Variants in HAUS6 observed in about 807,000 individuals in gnomAD.
HAUS6 encodes the protein HAUS augmin-like complex subunit 6.
In HAUS6, 80 loss-of-function variants were observed where a neutral mutation model predicts 106.8. The ratio of observed to expected loss-of-function variants is 0.75; its 90% confidence interval spans 0.63 to 0.90. The LOEUF (loss-of-function observed/expected upper bound fraction) is 0.90. HAUS6 is among the 40% of genes least tolerant of loss of function. HAUS6 has a pLI of 0.00. For synonymous variants in HAUS6, 356 were observed against 379.1 expected, an observed-to-expected ratio of 0.94 and a Z score of 0.71; for missense variants, 1,155 against 1,118.1, an observed-to-expected ratio of 1.03 and a Z score of -0.47.
At chr9:19,085,401 T>C (rs895866209) in intron 7 of HAUS6, among the ~76,000 whole-genome samples, 3 of 152,158 alleles carry the variant, frequency 2.0e-5, no homozygotes, top group African/African-American at 7.2e-5. Flanking sequence ...GAAGTGACTT[T>C]GCCTTGCCTG....
chr9:19,069,330 G>A (rs970363104), intron 12 of HAUS6, among the ~76,000 whole-genome samples: 12 of 152,192 alleles, frequency 7.9e-5, no homozygotes, highest in Non-Finnish European at 1.6e-4. Flanking sequence ...AAATGCCCAT[G>A]TATCATAAAT....
intron 4 of HAUS6, among the ~76,000 whole-genome samples, chr9:19,092,250 G>C (rs1279155283): frequency 6.6e-6 from 1 of 151,520 alleles, no homozygotes; most frequent in African/African-American, 2.4e-5. Flanking sequence ...TGAGCACAGG[G>C]GTTCAAGACC....
chr9:19,087,192 C>G (rs1449143714), intron 5 of HAUS6, 36 bp from the exon 6 acceptor site: 3 of 1,137,100 alleles, frequency 2.6e-6, no homozygotes, highest in Non-Finnish European at 4.0e-6. Context: ...ACTATAATAC[C>G]ATTACGATTA....
chr9:19,084,340 G>A (rs1215979980), intron 7 of HAUS6, among the ~76,000 whole-genome samples: 7 of 152,172 alleles, frequency 4.6e-5, no homozygotes, highest in Non-Finnish European at 8.8e-5. Flanking sequence ...AACATGTGAG[G>A]GCACTGTTTC....
Position 19,070,306 on chromosome 9 carries a change from G to A in HAUS6, c.1295-6C>T. 1 of 1,516,140 alleles carries A rather than the reference G, an allele frequency of 6.6e-7. No homozygotes were observed. The highest frequency in any genetic ancestry group is 9.1e-7 in the Non-Finnish European group (1 of 1,093,188). The allele number at this position is 1,516,140 out of a possible 1,614,324, so 93.9% of individuals were successfully genotyped here. On this transcript the variant is annotated splice_region_variant and splice_polypyrimidine_tract_variant and intron_variant, in intron 11 of 16. Coordinates refer to ENST00000380502, the MANE Select transcript of HAUS6 (RefSeq NM_017645.5). ...GTTATGTTGCTTATGTGCATCTAAA[G>A]AAATTTAAAAATTGGTTACTCTTTA...
intron 12 of HAUS6, among the ~76,000 whole-genome samples, chr9:19,065,792 G>T (rs1836749734): frequency 6.6e-6 from 1 of 152,102 alleles, no homozygotes; most frequent in Non-Finnish European, 1.5e-5. Flanking sequence ...AGTGAGCCGA[G>T]ATCGTGCCAT....
At position 19,089,572 on chromosome 9, in the gene HAUS6, C is replaced by G. The variant is rs535941920; in HGVS notation, c.437-13G>C. ...TGATGAGAAGAATCTACACAGAACA[C>G]AAATAAGATTATAGAAAACAGGCTG... On this transcript the variant is annotated splice_polypyrimidine_tract_variant and intron_variant, in intron 4 of 16. Transcript: ENST00000380502. 22 of 1,597,402 alleles carry G rather than the reference C, an allele frequency of 1.4e-5. No homozygotes were observed. Among genetic ancestry groups the G allele is most frequent in the Admixed American group, 6.9e-5 (4 of 58,354 alleles).
At chr9:19,078,661 G>A (rs1308432705) in intron 9 of HAUS6, among the ~76,000 whole-genome samples, 3 of 151,672 alleles carry the variant, frequency 2.0e-5, no homozygotes, top group East Asian at 1.9e-4. Context: ...AGGGGTGGGT[G>A]CCTGTAATTT....
intron 11 of HAUS6, among the ~76,000 whole-genome samples, chr9:19,071,525 T>G (rs1353863224): frequency 6.6e-6 from 1 of 151,858 alleles, no homozygotes; most frequent in Non-Finnish European, 1.5e-5. Flanking sequence ...CAAAACTACA[T>G]TTAGATATAT....
chr9:19,100,917 T>C (rs1401416069), intron 1 of HAUS6, among the ~76,000 whole-genome samples: 1 of 151,958 alleles, frequency 6.6e-6, no homozygotes, highest in East Asian at 1.9e-4. Flanking sequence ...AGAATGGTGG[T>C]TAACACAGTC....
chr9:19,093,926 C>A (rs988996000), intron 3 of HAUS6, among the ~76,000 whole-genome samples: 1 of 152,134 alleles, frequency 6.6e-6, no homozygotes, highest in Non-Finnish European at 1.5e-5. Flanking sequence ...TCCTTTTAAA[C>A]CACAAGTTAC....
intron 1 of HAUS6, among the ~76,000 whole-genome samples, chr9:19,101,171 ATAAGTG>A (rs1399443720): frequency 6.6e-5 from 10 of 152,244 alleles, no homozygotes; most frequent in African/African-American, 2.4e-4. Flanking sequence ...TATACATTGT[ATAAGTG>A]TATCAAAATA....
intron 16 of HAUS6, chr9:19,057,753 C>G: frequency 2.4e-6 from 1 of 420,198 alleles, no homozygotes; most frequent in Non-Finnish European, 4.2e-6. Flanking sequence ...TTTTCCCACC[C>G]CTGTCTCAAA....
chr9:19,079,399 T>C lies in HAUS6; in HGVS notation c.1064+1080A>G, dbSNP rs572003885. ...GGCGCACGCCACCACGCCTGGCTAA[T>C]TGTGTCTTTTTGGTAGGGACGCAGT... On this transcript the variant is annotated intron_variant, in intron 9 of 16. Coordinates refer to ENST00000380502, the MANE Select transcript of HAUS6 (RefSeq NM_017645.5). Among the ~76,000 whole-genome samples the C allele has an allele frequency of 1.3e-4, 20 of 151,416 alleles. No individual in the cohort carries two copies. The East Asian group carries it at 2.9e-3, about 22-fold the overall frequency.
chr9:19,100,815 T>C (rs539153234), intron 1 of HAUS6, among the ~76,000 whole-genome samples: 2 of 152,188 alleles, frequency 1.3e-5, no homozygotes, highest in African/African-American at 2.4e-5. Flanking sequence ...GAGGTCATTA[T>C]CTTAAGTAAA....
At chr9:19,089,946 C>A (rs1199083694) in intron 4 of HAUS6, among the ~76,000 whole-genome samples, 1 of 152,124 alleles carries the variant, frequency 6.6e-6, no homozygotes, top group East Asian at 1.9e-4. Flanking sequence ...AATCCTCTCA[C>A]CTCAGCCTCC....
At chr9:19,069,472 T>G (rs1400520757) in intron 12 of HAUS6, among the ~76,000 whole-genome samples, 1 of 152,096 alleles carries the variant, frequency 6.6e-6, no homozygotes, top group Non-Finnish European at 1.5e-5. Context: ...GTAGATCACC[T>G]GAGATCAGGA....
intron 1 of HAUS6, among the ~76,000 whole-genome samples, chr9:19,101,449 C>G (rs558311151): frequency 6.6e-6 from 1 of 152,086 alleles, no homozygotes; most frequent in South Asian, 2.1e-4. Context: ...TGTGATCGCA[C>G]AACTGCACTC....
intron 10 of HAUS6, 110 bp from the exon 11 acceptor site, chr9:19,076,814 T>C: frequency 1.6e-6 from 1 of 629,188 alleles, no homozygotes; most frequent in South Asian, 2.0e-5. Context: ...AAAGTCAGAA[T>C]TACCAAGAAT....
Sources: gnomAD v4.1 joint callset for allele counts (sites outside exome capture counted in the v4.1 genomes callset) on GRCh38, gnomAD v4.1.1 for gene constraint, MANE v1.5 for transcripts, NCBI Gene and HGNC (gene_info 2026-07-23, HGNC 2026-07-21) for gene names.